Variants in BSG observed in about 807,000 individuals in gnomAD.
The protein encoded by BSG is basigin (Ok blood group), also known as basigin.
A neutral mutation model predicts 43.1 loss-of-function variants in BSG; 37 were observed. The ratio of observed to expected loss-of-function variants is 0.86; its 90% CI spans 0.66 to 1.13. BSG has a LOEUF of 1.13. Among genes scored for constraint, BSG ranks in the 50% most tolerant of loss-of-function variants. The pLI is 0.00. For missense variants in BSG, 599 were observed against 554.2 expected (o/e 1.08, Z -0.81); for synonymous variants, 309 against 238.7 (o/e 1.29, Z -2.72).
Position 581,356 on chromosome 19 carries a change from C to G in BSG, c.834C>G (p.Ser278=), listed in dbSNP as rs1982299808. Residue 278 remains serine (S), a synonymous_variant, in exon 6 of 9, where the codon TCC becomes TCG. Transcript: ENST00000333511. The part of the protein sequence containing the change: ...NGSESRFFVS[S]SQGRSELHIE... The stretch of plus-strand genomic sequence containing the variant: ...CCGAGAGCAGGTTCTTCGTGAGTTC[C>G]TCGCAGGGCCGGTCAGAGCTACACA... The G allele has an allele frequency of 6.2e-7, 1 of 1,612,816 alleles. No homozygotes were observed. The highest frequency in any genetic ancestry group is 8.5e-7 in the Non-Finnish European group (1 of 1,179,912).
chr19:572,485 C>T (rs1478773189), upstream of BSG: 14 of 1,181,188 alleles, frequency 1.2e-5, no homozygotes, highest in Non-Finnish European at 1.4e-5. Context: ...CGTGCGCAGG[C>T]GGGGCGACCG....
chr19:571,793 G>C, upstream of BSG: 1 of 586,938 alleles, frequency 1.7e-6, no homozygotes, highest in Non-Finnish European at 3.1e-6. Flanking sequence ...CCTGTTGGCT[G>C]GGGTTGGACG....
intron 1 of BSG, among the ~76,000 whole-genome samples, chr19:575,579 C>G (rs966145842): frequency 8.4e-6 from 1 of 119,118 alleles, no homozygotes. Context: ...GAGCTGTTCT[C>G]GCTGGCTGCT....
rs1184799258 is a variant in BSG, at chr19:577,783, T to A, written c.77T>A (p.Val26Asp). 1.4e-6 allele frequency: 2 copies of A among 1,419,364 alleles called. No individual in the cohort carries two copies. Among genetic ancestry groups the A allele is most frequent in the African/African-American group, 2.9e-5 (2 of 69,050 alleles). 87.9% of individuals were successfully genotyped at this position (1,419,364 alleles called of 1,614,324 possible). The change falls in exon 2 of 9, where the codon GTC (valine) becomes GAC (aspartate). Residue 26 changes from valine (V) to aspartate (D), a missense_variant. Transcript: ENST00000333511. ...CGTGCTCTCCCCACAGCCGGCTTCG[T>A]CCAGGCGCCGCTGTCCCAGCAGAGG... ...THGASGAAGFVQAPLSQQRWV... is the reference protein window; with the variant it reads ...THGASGAAGFDQAPLSQQRWV...
rs1484057926 is a variant in BSG at position 581,562 on chromosome 19, A to T, written c.1040A>T (p.Lys347Met). Residue 347 changes from lysine to methionine, a missense_variant, in exon 6 of 9, where the codon AAG becomes ATG. Coordinates refer to ENST00000333511, the MANE Select transcript of BSG (RefSeq NM_001728.4). ...GTCACCATCATCTTCATCTACGAGA[A>T]GCGCCGGAAGCCCGAGGACGTCCTG... Reference protein sequence around the residue: ...VLVTIIFIYEKRRKPEDVLDD... With the variant: ...VLVTIIFIYEMRRKPEDVLDD... 1.3e-6 allele frequency: 2 copies of T among 1,599,014 alleles called. No individual in the cohort carries two copies. The highest frequency in any genetic ancestry group is 1.7e-6 in the Non-Finnish European group (2 of 1,174,464).
chr19:581,438 T>G lies in BSG; in HGVS notation c.916T>G (p.Ser306Ala), dbSNP rs1264475466. The G allele has an allele frequency of 1.2e-6, 2 of 1,612,386 alleles. No individual in the cohort carries two copies. Among genetic ancestry groups the G allele is most frequent in the Non-Finnish European group, 1.7e-6 (2 of 1,179,774 alleles). ...PGQYRCNGTS[S>A]KGSDQAIITL... ...CCAGTACCGGTGCAACGGCACCAGCTCCAAGGGCTCCGACCAGGCCATCAT... is the reference window on the plus strand; with the variant it reads ...CCAGTACCGGTGCAACGGCACCAGCGCCAAGGGCTCCGACCAGGCCATCAT... The change falls in exon 6 of 9, where the codon TCC (serine) becomes GCC (alanine). Residue 306 changes from serine to alanine, a missense_variant. By Grantham distance (99) the Ser-to-Ala change is moderately conservative (BLOSUM62 1). Transcript: ENST00000333511.
chr19:574,193 T>A (rs1981550786), intron 1 of BSG, among the ~76,000 whole-genome samples: 1 of 151,076 alleles, frequency 6.6e-6, no homozygotes, highest in Admixed American at 6.6e-5. Flanking sequence ...AGGTGAAGGT[T>A]GCAGTGAGCT....
chr19:576,386 T>G (rs1405544827), intron 1 of BSG, among the ~76,000 whole-genome samples: 1 of 152,218 alleles, frequency 6.6e-6, no homozygotes, highest in Non-Finnish European at 1.5e-5. Flanking sequence ...CGCCCAGCTC[T>G]GCACATAGCT....
intron 1 of BSG, among the ~76,000 whole-genome samples, chr19:573,350 C>T (rs568325308): frequency 4.6e-5 from 7 of 152,146 alleles, no homozygotes; most frequent in Admixed American, 4.6e-4. Context: ...GGGGCCCCCG[C>T]AAGGGCCCGT....
At chr19:579,718 G>T in intron 3 of BSG, 62 bp downstream of exon 3, 9 of 1,550,872 alleles carry the variant, frequency 5.8e-6, no homozygotes, top group South Asian at 1.2e-5. Context: ...TGCCGCCAGC[G>T]GCCTGTGGTC....
upstream of BSG, chr19:571,450 G>A (rs533292245): frequency 9.3e-6 from 7 of 755,350 alleles, no homozygotes; most frequent in East Asian, 1.5e-4. Context: ...CGTGGTCGCC[G>A]CGGAACTTCA....
At chr19:572,741 GGCCGGGAATGGAGGCCGCGGT>G in intron 1 of BSG, 40 bp downstream of exon 1, 8 of 1,416,444 alleles carry the variant, frequency 5.6e-6, no homozygotes, top group Non-Finnish European at 7.4e-6. Context: ...GTCCTGCAGG[GGCCGGGAATGGAGGCCGCGGT>G]GCCGACCCGA....
intron 2 of BSG, 88 bp from the exon 3 acceptor site, chr19:579,412 G>A (rs1383884344): frequency 2.6e-5 from 41 of 1,557,204 alleles, no homozygotes; most frequent in Non-Finnish European, 3.6e-5. Context: ...GTCCTTCCCG[G>A]GGAGGAGCCG....
At chr19:574,122 G>T (rs1981543720) in intron 1 of BSG, among the ~76,000 whole-genome samples, 1 of 152,052 alleles carries the variant, frequency 6.6e-6, no homozygotes, top group South Asian at 2.1e-4. Context: ...GGGCGTGTTG[G>T]CGCACGCCTG....
Position 580,427 on chromosome 19 carries a change from C to T in BSG, c.621C>T (p.Pro207=), listed in dbSNP as rs758959711. The T allele has an allele frequency of 6.8e-6, 11 of 1,611,076 alleles. No individual in the cohort carries two copies. Among genetic ancestry groups the T allele is most frequent in the African/African-American group, 4.0e-5 (3 of 74,900 alleles). ...GAGAGTACTCCTGCGTCTTCCTCCC[C>T]GAGCCCATGGGCACGGCCAACATCC... The part of the protein sequence containing the change: ...QWGEYSCVFL[P]EPMGTANIQL... The change falls in exon 4 of 9, where the codon CCC becomes CCT. Residue 207 remains proline (P), a synonymous_variant. Transcript: ENST00000333511.
intron 5 of BSG, 130 bp from the exon 6 acceptor site, chr19:581,185 G>A: frequency 1.9e-6 from 2 of 1,037,310 alleles, no homozygotes; most frequent in Non-Finnish European, 1.4e-6. Context: ...GGCCTAGACT[G>A]GGGGTCCCGG....
upstream of BSG, chr19:571,555 A>T (rs769929714): frequency 9.0e-6 from 7 of 779,636 alleles, no homozygotes; most frequent in Middle Eastern, 2.3e-4. Context: ...ACAATGAAGC[A>T]GTCGGACGCG....
rs1309058607 is a variant in BSG at position 579,643 on chromosome 19, A to G, written c.559A>G (p.Lys187Glu). 2 of 1,610,078 alleles carry G rather than the reference A, an allele frequency of 1.2e-6. No homozygotes were observed. The change falls in exon 3 of 9, where the codon AAA becomes GAA. Residue 187 changes from lysine (K) to glutamate (E), a missense_variant. Transcript: ENST00000333511. ...GAAGGAGGACGCGCTGCCCGGCCAG[A>G]AAACGGAGTTCAAGTGAGTGCCTGA... ...VLKEDALPGQ[K>E]TEFKVDSDDQ...
intron 2 of BSG, chr19:579,252 A>C: frequency 1.6e-6 from 1 of 615,484 alleles, no homozygotes; most frequent in Non-Finnish European, 3.0e-6. Context: ...CTGCCAGCGA[A>C]GGGTGCCTTC....
Sources: gnomAD v4.1 joint callset for allele counts (sites outside exome capture counted in the v4.1 genomes callset) on GRCh38, gnomAD v4.1.1 for gene constraint, MANE v1.5 for transcripts, NCBI Gene and HGNC (gene_info 2026-07-23, HGNC 2026-07-21) for gene names.